DNAJC17: variants seen among roughly 807,000 people sequenced by gnomAD.
The protein encoded by DNAJC17 is dnaJ homolog subfamily C member 17.
In DNAJC17, 35 loss-of-function variants were observed where a neutral mutation model predicts 48.1. That is an observed-to-expected ratio of 0.73 (90% confidence interval 0.56 to 0.96). DNAJC17 has a LOEUF of 0.96. Ranked by LOEUF, DNAJC17 falls within the 50% of genes least tolerant of loss-of-function variation. The pLI, the probability that DNAJC17 is intolerant of heterozygous loss-of-function variation, is 0.00. For missense variants in DNAJC17, 355 were observed against 377.1 expected, an observed-to-expected ratio of 0.94 and a Z score of 0.48; for synonymous variants, 117 against 142.7, an observed-to-expected ratio of 0.82 and a Z score of 1.28.
At chr15:40,798,904 T>C (rs982231597) in intron 1 of DNAJC17, among the ~76,000 whole-genome samples, 2 of 152,138 alleles carry the variant, frequency 1.3e-5, no homozygotes, top group South Asian at 2.1e-4. Flanking sequence ...GTGCCCCGCC[T>C]TGTGAGTGTG....
At position 40,768,000 on chromosome 15, in the gene DNAJC17, G is replaced by A. The variant is rs747324198; in HGVS notation, c.855C>T (p.Ala285=). ...TCCGTGCGATCAGCTGTTGCCGCTC[G>A]GCCGCCTGGCGCATGCGCATCATGA... ...SLVMMRMRQA[A]ERQQLIARMQ... is the part of the protein sequence containing the mutation. The change falls in exon 11 of 11, where the codon GCC becomes GCT. Residue 285 remains alanine, a synonymous_variant. Transcript: ENST00000220496. The A allele has an allele frequency of 3.7e-6, 6 of 1,605,638 alleles. No homozygotes were observed. The highest frequency in any genetic ancestry group is 2.2e-5 in the East Asian group (1 of 44,830).
intron 1 of DNAJC17, chr15:40,792,589 A>C (rs537353000): frequency 3.2e-6 from 3 of 940,128 alleles, no homozygotes; most frequent in Admixed American, 6.2e-5. Flanking sequence ...CCGAGGCAGG[A>C]GGACTGCTTG....
rs978276658 is a variant in DNAJC17 at position 40,771,005 on chromosome 15, T to C, written c.792+2722A>G. 1.9e-6 allele frequency: 3 copies of C among 1,550,622 alleles called. No homozygotes were observed. In the African/African-American group the frequency reaches 4.1e-5, roughly 21 times the overall value. On this transcript the variant is annotated intron_variant, in intron 10 of 10. Transcript: ENST00000220496. Reference sequence around the variant, plus strand: ...TGCAGATGCTAAGGGAGCAGTTTCCTAGCGAGCCCAGCTTCTAAATGGGGT... The same window carrying C: ...TGCAGATGCTAAGGGAGCAGTTTCCCAGCGAGCCCAGCTTCTAAATGGGGT...
Position 40,766,287 on chromosome 15 carries a change from G to C in DNAJC17, c.*1653C>G, listed in dbSNP as rs917301535. 3 of 161,424 alleles carry C rather than the reference G, an allele frequency of 1.9e-5. No individual in the cohort carries two copies. The Admixed American group carries it at 1.9e-4, about 10-fold the overall frequency. The allele number at this position is 161,424 out of a possible 1,614,324, so 10.0% of individuals were successfully genotyped here. ...TTTGTCGTGAGGATCTGCATGAGTC[G>C]CAAAGCTAAGCCCTAGAAGCAGGGA... On this transcript the variant is annotated 3_prime_UTR_variant, in exon 11 of 11. Coordinates refer to ENST00000220496, the MANE Select transcript of DNAJC17 (RefSeq NM_018163.3).
intron 4 of DNAJC17, 82 bp downstream of exon 4, chr15:40,779,140 TG>T (rs771304837): frequency 7.1e-7 from 1 of 1,400,596 alleles, no homozygotes; most frequent in Non-Finnish European, 1.0e-6. Flanking sequence ...GATGAGTTGC[TG>T]GAAGTGAAGC....
At position 40,776,626 on chromosome 15, in the gene DNAJC17, G is replaced by A; in HGVS notation, c.297C>T (p.Asp99=). The change falls in exon 5 of 11, where the codon GAC becomes GAT. Residue 99 remains aspartate, a splice_region_variant and synonymous_variant. Coordinates refer to ENST00000220496, the MANE Select transcript of DNAJC17 (RefSeq NM_018163.3). ...GGGCCTGCCGCTCCCGGGCCTCCAG[G>A]TCTAGACACAAGGGTTGAATGACCA... ...LDEKRKKVKL[D]LEARERQAQA... is the part of the protein sequence containing the mutation. 1 of 1,613,838 alleles carries A rather than the reference G, an allele frequency of 6.2e-7. No individual in the cohort carries two copies. The highest frequency in any genetic ancestry group is 8.5e-7 in the Non-Finnish European group (1 of 1,179,990).
chr15:40,775,908 C>G (rs556498971), intron 6 of DNAJC17, among the ~76,000 whole-genome samples: 26 of 152,156 alleles, frequency 1.7e-4, no homozygotes, highest in Non-Finnish European at 3.5e-4. Flanking sequence ...CACAAAGTGT[C>G]CCAGGGCCCC....
At chr15:40,776,921 G>T in intron 4 of DNAJC17, 1 of 327,122 alleles carries the variant, frequency 3.1e-6, no homozygotes, top group Non-Finnish European at 5.8e-6. Context: ...TATGTCAGCA[G>T]CCCAGGGCCA....
At position 40,770,054 on chromosome 15, in the gene DNAJC17, G is replaced by A. The variant is rs1208441755; in HGVS notation, c.793-1992C>T. The A allele has an allele frequency of 5.5e-6, 1 of 180,186 alleles. No individual in the cohort carries two copies. Among genetic ancestry groups the A allele is most frequent in the Non-Finnish European group, 1.2e-5 (1 of 85,196 alleles). 11.2% of individuals were successfully genotyped at this position (180,186 alleles called of 1,614,324 possible). ...CCCCACACTGCCCCAGAGACATATA[G>A]GAGCCAGGCAAACACCAGGGCGAGT... On this transcript the variant is annotated intron_variant, in intron 10 of 10. Coordinates refer to ENST00000220496, the MANE Select transcript of DNAJC17 (RefSeq NM_018163.3). The surrounding 1 kb of genome is among the most constrained non-coding windows in gnomAD (Gnocchi z 5.0).
Position 40,770,168 on chromosome 15 carries a change from C to T in DNAJC17, c.793-2106G>A. 3.6e-6 allele frequency: 1 copy of T among 277,472 alleles called. No homozygotes were observed. Among genetic ancestry groups the T allele is most frequent in the Non-Finnish European group, 6.8e-6 (1 of 146,370 alleles). The allele number at this position is 277,472 out of a possible 1,614,324, so 17.2% of individuals were successfully genotyped here. A position where few individuals can be genotyped will look rare whatever the true frequency, so the allele number is the denominator to read the frequency against. On this transcript the variant is annotated intron_variant, in intron 10 of 10. Transcript: ENST00000220496. The surrounding 1 kb of genome is among the most constrained non-coding windows in gnomAD (Gnocchi z 5.0). ...AGGTCCACCTCTGCCTCCGCCGGAG[C>T]TGCCCTCATTCTGGCTCCAGTAAGT...
intron 3 of DNAJC17, 21 bp from the exon 4 acceptor site, chr15:40,779,331 A>G: frequency 6.2e-7 from 1 of 1,612,998 alleles, no homozygotes. Flanking sequence ...AAAGGGGCAC[A>G]GGGCAGAGGG....
intron 1 of DNAJC17, chr15:40,807,110 C>A (rs1566834247): frequency 1.2e-6 from 1 of 800,810 alleles, no homozygotes; most frequent in African/African-American, 1.7e-5. Flanking sequence ...CCTCGCCCCG[C>A]GGCCTCTAGG....
chr15:40,793,312 C>T (rs1889859964), intron 1 of DNAJC17, among the ~76,000 whole-genome samples: 1 of 152,160 alleles, frequency 6.6e-6, no homozygotes, highest in Non-Finnish European at 1.5e-5. Context: ...CTTATATACT[C>T]TTACTGAACC....
chr15:40,767,813 G>T lies in DNAJC17; in HGVS notation c.*127C>A. 7.3e-7 allele frequency: 1 copy of T among 1,378,112 alleles called. No individual in the cohort carries two copies. The highest frequency in any genetic ancestry group is 1.4e-5 in the South Asian group (1 of 69,166). The allele number at this position is 1,378,112 out of a possible 1,614,324, so 85.4% of individuals were successfully genotyped here. A position where few individuals can be genotyped will look rare whatever the true frequency, so the allele number is the denominator to read the frequency against. On this transcript the variant is annotated 3_prime_UTR_variant, in exon 11 of 11. Transcript: ENST00000220496. ...CTGGGAGGGGCGCCAGGCCTGGGTGGAGCGCTCTGCGGCAGAGCCCAGCAC... is the reference window on the plus strand; with the variant it reads ...CTGGGAGGGGCGCCAGGCCTGGGTGTAGCGCTCTGCGGCAGAGCCCAGCAC...
chr15:40,800,296 G>T (rs1404172836), intron 1 of DNAJC17, among the ~76,000 whole-genome samples: 1 of 152,096 alleles, frequency 6.6e-6, no homozygotes, highest in Non-Finnish European at 1.5e-5. Context: ...TTGAACTACT[G>T]ACCTCAGGTG....
chr15:40,798,788 G>A (rs1203835850), intron 1 of DNAJC17, among the ~76,000 whole-genome samples: 1 of 152,110 alleles, frequency 6.6e-6, no homozygotes, highest in Admixed American at 6.6e-5. Context: ...AGGATTAGAC[G>A]GTCACTGCAG....
intron 1 of DNAJC17, among the ~76,000 whole-genome samples, chr15:40,783,675 C>A (rs1454861470): frequency 1.3e-5 from 2 of 152,052 alleles, no homozygotes; most frequent in African/African-American, 4.8e-5. Flanking sequence ...ACCAGCCTGG[C>A]CAACATGGTG....
Position 40,796,206 on chromosome 15 carries a change from T to A in DNAJC17, c.78+11163A>T, listed in dbSNP as rs1267390402. ...AGCATCTACCAAGGGCGAGGCATTG[T>A]TCTAGGTGCTGGAGACATAGTAGTA... On this transcript the variant is annotated intron_variant, in intron 1 of 10. Coordinates refer to ENST00000220496, the MANE Select transcript of DNAJC17 (RefSeq NM_018163.3). Among the ~76,000 whole-genome samples the A allele has an allele frequency of 2.0e-5, 3 of 152,356 alleles. No homozygotes were observed. In the East Asian group the frequency reaches 5.8e-4, roughly 29 times the overall value.
In DNAJC17 at chr15:40,769,491, C is replaced by T. The variant is rs995425693; in HGVS notation, c.793-1429G>A. ...CAAGAAAACTTGGAGCCACCCTTGG[C>T]GGGCCCCCAGCCCAACCCTGGGCAG... On this transcript the variant is annotated intron_variant, in intron 10 of 10. Coordinates refer to ENST00000220496, the MANE Select transcript of DNAJC17 (RefSeq NM_018163.3). The surrounding 1 kb of genome is among the most constrained non-coding windows in gnomAD (Gnocchi z 4.2). Among the ~76,000 whole-genome samples the T allele has an allele frequency of 2.6e-5, 4 of 152,238 alleles. No individual in the cohort carries two copies. The highest frequency in any genetic ancestry group is 2.1e-4 in the South Asian group (1 of 4,836).
Sources: gnomAD v4.1 joint callset for allele counts (sites outside exome capture counted in the v4.1 genomes callset) on GRCh38, gnomAD v4.1.1 for gene constraint, Gnocchi (gnomAD v3.1) non-coding constraint, MANE v1.5 for transcripts, NCBI Gene and HGNC (gene_info 2026-07-23, HGNC 2026-07-21) for gene names.